CMYA5: variants seen among roughly 807,000 people sequenced by gnomAD.
The protein encoded by CMYA5 is cardiomyopathy-associated protein 5.
In CMYA5, 246 loss-of-function variants were observed where a neutral mutation model predicts 318.9. That is an observed-to-expected ratio of 0.77 (90% CI 0.70 to 0.86). The LOEUF (loss-of-function observed/expected upper bound fraction) is 0.86. CMYA5 is among the 40% of genes least tolerant of loss of function. The pLI is 0.00. For missense variants in CMYA5, 4,589 were observed against 4,678.2 expected (o/e 0.98, Z 0.56); for synonymous variants, 1,641 against 1,729.5 (o/e 0.95, Z 1.27).
rs755707378 is a variant in CMYA5 at position 79,763,130 on chromosome 5, C to T, written c.11476C>T (p.Arg3826Trp). ...VCWNTATIRW[R>W]PTTPEATETY... The stretch of plus-strand genomic sequence containing the variant: ...TTGGAACACAGCCACTATCCGATGG[C>T]GGCCCACCACCCCAGAGGCCACGGA... The change falls in exon 9 of 13, where the codon CGG (arginine) becomes TGG (tryptophan). Residue 3826 changes from arginine (R) to tryptophan (W), a missense_variant. This residue lies in a region of CMYA5 where 2,431 missense variants were observed against 2,495.1 expected (regional missense o/e 0.97). Coordinates refer to ENST00000446378, the MANE Select transcript of CMYA5 (RefSeq NM_153610.5). 2.8e-5 allele frequency: 44 copies of T among 1,599,424 alleles called. No homozygotes were observed. In the Middle Eastern group the frequency reaches 5.0e-4, roughly 18 times the overall value.
rs1829348728 is a variant in CMYA5 at position 79,800,139 on chromosome 5, T to C, written c.*523T>C. 6.5e-6 allele frequency: 1 copy of C among 152,746 alleles called. No individual in the cohort carries two copies. The highest frequency in any genetic ancestry group is 6.5e-5 in the Admixed American group (1 of 15,284). The allele number at this position is 152,746 out of a possible 1,614,324, so 9.5% of individuals were successfully genotyped here. ...TAATGTATACTGTAGAACATGAGTC[T>C]CTCCTCCCTAAAATTTTAAATGTAG... is the stretch of plus-strand genomic sequence containing the variant. On this transcript the variant is annotated 3_prime_UTR_variant, in exon 13 of 13. Transcript: ENST00000446378.
Position 79,745,095 on chromosome 5 carries a change from T to C in CMYA5, c.10735-127T>C. On this transcript the variant is annotated intron_variant, in intron 3 of 12. Coordinates refer to ENST00000446378, the MANE Select transcript of CMYA5 (RefSeq NM_153610.5). ...AGGTTAGAAATTTGAACTGTGCATG[T>C]GATGTCTGATTCTCTGATCAGGATG... 1.7e-5 allele frequency: 11 copies of C among 639,502 alleles called. 1 individual carries two copies. The South Asian group carries it at 2.0e-4, about 12-fold the overall frequency. 39.6% of individuals were successfully genotyped at this position (639,502 alleles called of 1,614,324 possible).
rs745976734 is a variant in CMYA5 at position 79,729,974 on chromosome 5, A to G, written c.1209A>G (p.Pro403=). The G allele has an allele frequency of 3.7e-6, 6 of 1,613,922 alleles. No homozygotes were observed. In the East Asian group the frequency reaches 1.1e-4, roughly 30 times the overall value. The change falls in exon 2 of 13, where the codon CCA becomes CCG. Residue 403 remains proline, a synonymous_variant. Coordinates refer to ENST00000446378, the MANE Select transcript of CMYA5 (RefSeq NM_153610.5). ...TTKEECELAS[P]GTAASENDSS... ...AGGAAGAATGTGAGCTTGCTTCACC[A>G]GGAACTGCAGCTTCAGAGAATGACT... is the stretch of plus-strand genomic sequence containing the variant.
chr5:79,760,552 C>A (rs773487061), intron 7 of CMYA5, among the ~76,000 whole-genome samples: 4 of 152,164 alleles, frequency 2.6e-5, no homozygotes, highest in African/African-American at 7.2e-5. Flanking sequence ...GCAAGCACAT[C>A]TTCCCATGGC....
intron 4 of CMYA5, among the ~76,000 whole-genome samples, chr5:79,745,877 C>T (rs1828312624): frequency 6.6e-6 from 1 of 152,186 alleles, no homozygotes; most frequent in African/African-American, 2.4e-5. Context: ...CCCCTCTGAG[C>T]CTGGCCAAGG....
At position 79,729,621 on chromosome 5, in the gene CMYA5, A is replaced by G; in HGVS notation, c.856A>G (p.Lys286Glu). Residue 286 changes from lysine (K) to glutamate (E), a missense_variant, in exon 2 of 13, where the codon AAA becomes GAA. Coordinates refer to ENST00000446378, the MANE Select transcript of CMYA5 (RefSeq NM_153610.5). ...TTCTAATACAGTGTCCAAAACACGC[A>G]AATTAGTAGCCCAAAGCATAGAGGA... ...SGSNTVSKTR[K>E]LVAQSIEDKV... The G allele has an allele frequency of 6.2e-7, 1 of 1,613,928 alleles. No individual in the cohort carries two copies. The highest frequency in any genetic ancestry group is 8.5e-7 in the Non-Finnish European group (1 of 1,179,830).
In CMYA5 at chr5:79,737,467, C is replaced by G; in HGVS notation, c.8702C>G (p.Ala2901Gly). Reference protein sequence around the residue: ...NYAQFISNTSASNADKMVSNK... With the variant: ...NYAQFISNTSGSNADKMVSNK... ...GCTCAATTTATATCTAATACATCAG[C>G]AAGCAATGCTGATAAAATGGTTTCT... The change falls in exon 2 of 13, where the codon GCA becomes GGA. Residue 2901 changes from alanine (A) to glycine (G), a missense_variant. This residue lies in a region of CMYA5 where 2,431 missense variants were observed against 2,495.1 expected (regional missense o/e 0.97). Coordinates refer to ENST00000446378, the MANE Select transcript of CMYA5 (RefSeq NM_153610.5). 7.4e-6 allele frequency: 12 copies of G among 1,613,816 alleles called. No individual in the cohort carries two copies. Among genetic ancestry groups the G allele is most frequent in the Non-Finnish European group, 1.0e-5 (12 of 1,179,822 alleles).
intron 10 of CMYA5, among the ~76,000 whole-genome samples, chr5:79,789,627 G>A (rs1012903689): frequency 1.3e-4 from 20 of 151,998 alleles, no homozygotes; most frequent in Non-Finnish European, 2.8e-4. Flanking sequence ...TTTTTGCCAT[G>A]TTGGCCAGGC....
chr5:79,708,670 T>C (rs1827321799), intron 1 of CMYA5, among the ~76,000 whole-genome samples: 1 of 151,902 alleles, frequency 6.6e-6, no homozygotes, highest in African/African-American at 2.4e-5. Context: ...CTGGGTGTGG[T>C]GGCTCACTCC....
chr5:79,767,268 A>AT (rs1265642990), intron 9 of CMYA5, among the ~76,000 whole-genome samples: 4 of 151,994 alleles, frequency 2.6e-5, no homozygotes, highest in Non-Finnish European at 5.9e-5. Context: ...GGATTCACTG[A>AT]TTTTTTGAAG....
chr5:79,746,013 C>T (rs928942549), intron 4 of CMYA5, among the ~76,000 whole-genome samples: 1 of 152,234 alleles, frequency 6.6e-6, no homozygotes, highest in Admixed American at 6.5e-5. Context: ...AAGCAGGTAA[C>T]TTGTAGACAT....
intron 9 of CMYA5, among the ~76,000 whole-genome samples, chr5:79,776,409 T>G (rs557882895): frequency 3.9e-5 from 6 of 152,194 alleles, no homozygotes; most frequent in African/African-American, 7.2e-5. Context: ...TAGTTAAGAT[T>G]TTATAAGTAG....
intron 1 of CMYA5, among the ~76,000 whole-genome samples, chr5:79,703,819 A>T (rs1254732853): frequency 1.3e-5 from 2 of 152,230 alleles, no homozygotes; most frequent in African/African-American, 4.8e-5. Flanking sequence ...AGGGCCGGGA[A>T]CAGTGGCACA....
intron 1 of CMYA5, among the ~76,000 whole-genome samples, chr5:79,704,132 G>GTCCAAACTC (rs1827222703): frequency 6.6e-6 from 1 of 151,472 alleles, no homozygotes; most frequent in South Asian, 2.1e-4. Context: ...TGTCCAAACT[G>GTCCAAACTC]TCCAAGATGT....
At chr5:79,723,570 T>TG (rs60081031) in intron 1 of CMYA5, among the ~76,000 whole-genome samples, 77,725 of 151,642 alleles carry the variant, frequency 0.51, 22,804 homozygotes, top group African/African-American at 0.81. Context: ...GAGAACAACC[T>TG]GGTGACATGT....
At chr5:79,768,243 C>T (rs1415784878) in intron 9 of CMYA5, among the ~76,000 whole-genome samples, 3 of 152,076 alleles carry the variant, frequency 2.0e-5, no homozygotes, top group Admixed American at 6.6e-5. Context: ...TGGGTCTTGA[C>T]TCTTTATCCA....
chr5:79,773,683 G>C (rs1828892105), intron 9 of CMYA5, among the ~76,000 whole-genome samples: 1 of 151,582 alleles, frequency 6.6e-6, no homozygotes. Context: ...ATAAATGTCT[G>C]TTTCACGAAT....
rs1411567638 is a variant in CMYA5, at chr5:79,738,666, G to A, written c.9901G>A (p.Val3301Ile). 6.2e-7 allele frequency: 1 copy of A among 1,613,944 alleles called. No individual in the cohort carries two copies. The highest frequency in any genetic ancestry group is 1.7e-5 in the Admixed American group (1 of 60,010). The change falls in exon 2 of 13, where the codon GTT becomes ATT. Residue 3301 changes from valine to isoleucine, a missense_variant. Physicochemically the swap from Val to Ile is conservative, Grantham distance 29 (BLOSUM62 3). This residue lies in a region of CMYA5 where 2,431 missense variants were observed against 2,495.1 expected (regional missense o/e 0.97). Transcript: ENST00000446378. ...GAAGAGTCTGGAAGAACAGAAAGGT[G>A]TTTATGGGGAAGGAGAATCAGTAGA... ...REKSLEEQKG[V>I]YGEGESVDHV... is the part of the protein sequence containing the mutation.
Position 79,739,392 on chromosome 5 carries a change from A to G in CMYA5, c.10627A>G (p.Ser3543Gly), listed in dbSNP as rs1828166993. The G allele has an allele frequency of 1.3e-6, 2 of 1,526,910 alleles. No homozygotes were observed. The highest frequency in any genetic ancestry group is 1.8e-6 in the Non-Finnish European group (2 of 1,138,316). The allele number at this position is 1,526,910 out of a possible 1,614,324, so 94.6% of individuals were successfully genotyped here. ...HEVSTLDTAI[S>G]AVKVQLAEFL... ...AGTTTCAACGCTTGACACAGCTATAAGTGCTGTAAAGGTAAATAGATGTTG... is the reference window on the plus strand; with the variant it reads ...AGTTTCAACGCTTGACACAGCTATAGGTGCTGTAAAGGTAAATAGATGTTG... The change falls in exon 2 of 13, where the codon AGT (serine) becomes GGT (glycine). Residue 3543 changes from serine to glycine, a missense_variant. Ser to Gly is a moderately conservative substitution (Grantham distance 56). Coordinates refer to ENST00000446378, the MANE Select transcript of CMYA5 (RefSeq NM_153610.5).
Sources: allele counts gnomAD v4.1 joint callset (sites outside exome capture counted in the v4.1 genomes callset), GRCh38; gene constraint gnomAD v4.1.1; regional missense constraint gnomAD v4.1.1; transcripts MANE v1.5; gene names NCBI Gene and HGNC (gene_info 2026-07-23, HGNC 2026-07-21).